The following PEBP4 variants were observed in gnomAD, a reference collection of about 807,000 sequenced individuals.
The protein encoded by PEBP4 is phosphatidylethanolamine binding protein 4.
In PEBP4, 22 loss-of-function variants were observed where a neutral mutation model predicts 23.9. That is an observed-to-expected ratio of 0.92 (90% CI 0.66 to 1.31). The LOEUF (loss-of-function observed/expected upper bound fraction) is 1.31, where lower values mean the gene tolerates loss of function less well. Ranked by LOEUF, PEBP4 falls within the 40% of genes most tolerant of loss-of-function variation. PEBP4 has a pLI of 0.00. For synonymous variants in PEBP4, 112 were observed against 99.3 expected (o/e 1.13, Z -0.76); for missense variants, 324 against 281.7 (o/e 1.15, Z -1.07).
Position 22,865,377 on chromosome 8 carries a change from C to A in PEBP4, c.259-47642G>T, listed in dbSNP as rs970798082. The stretch of plus-strand genomic sequence containing the variant: ...CCACGGGCGGTGACGGTGGCGGTGG[C>A]GGTGGCGGCGGCGGGACCCCGGGCC... On this transcript the variant is annotated intron_variant, in intron 3 of 6. Coordinates refer to ENST00000256404, the MANE Select transcript of PEBP4 (RefSeq NM_144962.3). This position sits in a 1 kb window ranked among gnomAD's most constrained non-coding sequence, Gnocchi z 6.9. Among the ~76,000 whole-genome samples, 10 of 150,726 alleles carry A rather than the reference C, an allele frequency of 6.6e-5. No homozygotes were observed. Among genetic ancestry groups the A allele is most frequent in the African/African-American group, 2.4e-4 (10 of 41,166 alleles).
chr8:22,716,614 CTG>C (rs1318216597), intron 6 of PEBP4, among the ~76,000 whole-genome samples: 1 of 152,242 alleles, frequency 6.6e-6, no homozygotes, highest in Non-Finnish European at 1.5e-5. Flanking sequence ...CTTCCCAAAT[CTG>C]TGGGGTTGGC....
chr8:22,915,326 T>G (rs1809049578), intron 3 of PEBP4, among the ~76,000 whole-genome samples: 2 of 152,050 alleles, frequency 1.3e-5, no homozygotes, highest in African/African-American at 4.8e-5. Context: ...AACTCTAAAC[T>G]CCACACCAGG....
intron 3 of PEBP4, among the ~76,000 whole-genome samples, chr8:22,912,232 A>C (rs186022073): frequency 1.8e-4 from 27 of 152,328 alleles, no homozygotes; most frequent in African/African-American, 6.5e-4. Flanking sequence ...CCCCTCAGCC[A>C]TTAAGTGTTT....
chr8:22,790,419 T>A (rs747062279), intron 4 of PEBP4, among the ~76,000 whole-genome samples: 1 of 152,180 alleles, frequency 6.6e-6, no homozygotes, highest in African/African-American at 2.4e-5. Flanking sequence ...CCAGGAAGCC[T>A]GCTTACATCG....
intron 3 of PEBP4, among the ~76,000 whole-genome samples, chr8:22,853,019 G>A (rs754385059): frequency 2.6e-5 from 4 of 152,294 alleles, no homozygotes; most frequent in South Asian, 2.1e-4. Context: ...GCTGCGAAGC[G>A]CTTTCATTAC....
intron 4 of PEBP4, among the ~76,000 whole-genome samples, chr8:22,732,109 C>T (rs184760659): frequency 2.6e-5 from 4 of 152,036 alleles, no homozygotes; most frequent in East Asian, 1.9e-4. Flanking sequence ...CCAGGAACAC[C>T]GAGGTATTTG....
intron 6 of PEBP4, among the ~76,000 whole-genome samples, chr8:22,723,977 C>T (rs111655240): frequency 4.6e-5 from 7 of 152,326 alleles, no homozygotes; most frequent in African/African-American, 7.2e-5. Context: ...AAATGGCTGA[C>T]GACACCCACC....
intron 3 of PEBP4, 29 bp downstream of exon 3, chr8:22,920,155 C>A: frequency 6.3e-7 from 1 of 1,593,428 alleles, no homozygotes; most frequent in South Asian, 1.1e-5. Flanking sequence ...CAACTGTCCC[C>A]CCGCTTTAAC....
chr8:22,798,449 G>C (rs918557173), intron 4 of PEBP4: 3 of 153,270 alleles, frequency 2.0e-5, no homozygotes, highest in African/African-American at 4.8e-5. Flanking sequence ...GATCACCCCT[G>C]TGGCACAGAG....
At chr8:22,925,053 A>G in intron 2 of PEBP4, 1 of 985,292 alleles carries the variant, frequency 1.0e-6, no homozygotes, top group African/African-American at 1.7e-5. Context: ...GGGGATCTTG[A>G]GGAGGGGTCA....
chr8:22,753,463 T>A (rs1805310527), intron 4 of PEBP4, among the ~76,000 whole-genome samples: 1 of 152,242 alleles, frequency 6.6e-6, no homozygotes, highest in African/African-American at 2.4e-5. Flanking sequence ...TTCCCTTGGA[T>A]ATAGCTGGCT....
At chr8:22,772,083 C>T (rs1472444483) in intron 4 of PEBP4, among the ~76,000 whole-genome samples, 3 of 152,220 alleles carry the variant, frequency 2.0e-5, no homozygotes, top group Non-Finnish European at 4.4e-5. Context: ...GGCTAAGCCC[C>T]ACCTTAGGGT....
At chr8:22,932,877 C>A (rs952010307), upstream of PEBP4, among the ~76,000 whole-genome samples, 12 of 151,932 alleles carry the variant, frequency 7.9e-5, no homozygotes, top group Admixed American at 2.6e-4. Context: ...TGGTGACAGG[C>A]ACCTGTAATC....
chr8:22,742,238 C>A (rs1038431432), intron 4 of PEBP4, among the ~76,000 whole-genome samples: 8 of 152,356 alleles, frequency 5.3e-5, no homozygotes, highest in African/African-American at 1.7e-4. Flanking sequence ...AAGCAAGGGG[C>A]CTTTAATGAA....
At chr8:22,764,414 C>T (rs746537585) in intron 4 of PEBP4, among the ~76,000 whole-genome samples, 7 of 152,120 alleles carry the variant, frequency 4.6e-5, no homozygotes, top group Non-Finnish European at 4.4e-5. Context: ...GACCTGTGAA[C>T]GCTTCAGGGT....
At chr8:22,792,536 G>C (rs1449672873) in intron 4 of PEBP4, among the ~76,000 whole-genome samples, 1 of 151,988 alleles carries the variant, frequency 6.6e-6, no homozygotes, top group African/African-American at 2.4e-5. Context: ...AGCCTTTCCT[G>C]CTCATCCCAG....
chr8:22,754,250 C>A (rs991823058), intron 4 of PEBP4, among the ~76,000 whole-genome samples: 1 of 152,094 alleles, frequency 6.6e-6, no homozygotes, highest in Non-Finnish European at 1.5e-5. Flanking sequence ...TATCTTACAT[C>A]GTAGTTGTGA....
At chr8:22,819,244 G>A (rs1370452171) in intron 3 of PEBP4, among the ~76,000 whole-genome samples, 2 of 152,266 alleles carry the variant, frequency 1.3e-5, no homozygotes, top group Non-Finnish European at 2.9e-5. Context: ...AAGTTTGGGG[G>A]AACACCTGGA....
intron 4 of PEBP4, chr8:22,745,736 C>A (rs1805100771): frequency 6.6e-6 from 1 of 152,194 alleles, no homozygotes; most frequent in South Asian, 2.1e-4. Context: ...CCATCTCCTG[C>A]CCGTAACACA....
Sources: gnomAD v4.1 joint callset for allele counts (sites outside exome capture counted in the v4.1 genomes callset) on GRCh38, gnomAD v4.1.1 for gene constraint, Gnocchi (gnomAD v3.1) non-coding constraint, MANE v1.5 for transcripts, NCBI Gene and HGNC (gene_info 2026-07-23, HGNC 2026-07-21) for gene names.